The following PTK2 variants were observed in gnomAD, a reference collection of about 807,000 sequenced individuals.
PTK2 encodes focal adhesion kinase 1.
Under a neutral mutation model 150.1 loss-of-function variants are expected in PTK2, and 45 were observed. That is an observed-to-expected ratio of 0.30 (90% CI 0.24 to 0.38). PTK2 has a LOEUF of 0.38. PTK2 is among the 10% of genes least tolerant of loss of function. The pLI is 1.00. For missense variants in PTK2, 919 were observed against 1,307.3 expected (o/e 0.70, Z 4.58); for synonymous variants, 432 against 449.2 (o/e 0.96, Z 0.48).
intron 2 of PTK2, among the ~76,000 whole-genome samples, chr8:140,914,127 AAAG>A: frequency 6.6e-6 from 1 of 152,320 alleles, no homozygotes; most frequent in East Asian, 1.9e-4. Context: ...TTTTCTAGGT[AAAG>A]AAGTTAATAT....
chr8:140,804,450 T>C (rs2100097148), intron 10 of PTK2, among the ~76,000 whole-genome samples: 1 of 151,332 alleles, frequency 6.6e-6, no homozygotes, highest in Non-Finnish European at 1.5e-5. Context: ...TAACCAGGCA[T>C]GGTGGTCTGT....
chr8:140,823,540 T>C (rs902652053), intron 8 of PTK2, among the ~76,000 whole-genome samples: 2 of 152,118 alleles, frequency 1.3e-5, no homozygotes, highest in Non-Finnish European at 2.9e-5. Flanking sequence ...CTCACAGACA[T>C]CTAAAACCTG....
Position 140,789,824 on chromosome 8 carries a change from A to C in PTK2, c.1125-298T>G, listed in dbSNP as rs1026522673. ...TGAATGGGTTAAATAAAAATATAAA[A>C]ATATAAATTTAAATGCTACACACTA... On this transcript the variant is annotated intron_variant, in intron 13 of 31. Transcript: ENST00000522684. Among the ~76,000 whole-genome samples the C allele has an allele frequency of 2.6e-5, 4 of 151,816 alleles. No individual in the cohort carries two copies. In the East Asian group the frequency reaches 7.7e-4, roughly 29 times the overall value.
At chr8:140,964,178 T>A (rs1373094010) in intron 1 of PTK2, among the ~76,000 whole-genome samples, 1 of 152,132 alleles carries the variant, frequency 6.6e-6, no homozygotes, top group Non-Finnish European at 1.5e-5. Flanking sequence ...CACCACCCTA[T>A]GCATGAATGT....
intron 8 of PTK2, among the ~76,000 whole-genome samples, chr8:140,827,791 A>G (rs1450959352): frequency 6.6e-6 from 1 of 152,180 alleles, no homozygotes; most frequent in Non-Finnish European, 1.5e-5. Context: ...GGAGACAGCA[A>G]CAGATATTGT....
intron 1 of PTK2, among the ~76,000 whole-genome samples, chr8:140,985,965 CTA>C (rs770252659): frequency 3.3e-5 from 5 of 152,176 alleles, no homozygotes; most frequent in Non-Finnish European, 7.3e-5. Flanking sequence ...ATCTGTCTAG[CTA>C]TATAGATTCC....
chr8:140,679,005 T>G (rs1276342295), intron 27 of PTK2, among the ~76,000 whole-genome samples: 3 of 4,842 alleles, frequency 6.2e-4, no homozygotes, highest in South Asian at 0.012. Flanking sequence ...CTCCCCATGT[T>G]TTTTTTTTTT....
At chr8:140,922,429 C>T (rs1403323853) in intron 2 of PTK2, among the ~76,000 whole-genome samples, 1 of 151,794 alleles carries the variant, frequency 6.6e-6, no homozygotes. Context: ...GAAAAAATAT[C>T]CCCAGCCTCC....
At chr8:140,742,770 C>T (rs1357249998) in intron 20 of PTK2, among the ~76,000 whole-genome samples, 2 of 152,268 alleles carry the variant, frequency 1.3e-5, no homozygotes, top group East Asian at 1.9e-4. Flanking sequence ...TTGTCAGATA[C>T]GTGTGGCTGG....
intron 6 of PTK2, 97 bp downstream of exon 6, chr8:140,846,502 G>T: frequency 2.5e-6 from 3 of 1,183,968 alleles, no homozygotes; most frequent in Non-Finnish European, 3.7e-6. Context: ...GTATTTCACT[G>T]ATAATCCTTA....
At chr8:140,682,978 C>G (rs1218249301) in intron 27 of PTK2, among the ~76,000 whole-genome samples, 1 of 152,048 alleles carries the variant, frequency 6.6e-6, no homozygotes, top group Non-Finnish European at 1.5e-5. Flanking sequence ...CCAAAGCTAA[C>G]AGAAAACAAG....
At chr8:140,794,677 T>C (rs2100090581) in intron 12 of PTK2, among the ~76,000 whole-genome samples, 2 of 152,220 alleles carry the variant, frequency 1.3e-5, no homozygotes, top group Non-Finnish European at 2.9e-5. Flanking sequence ...TGCCCTCTCA[T>C]GGCACCTCTT....
intron 14 of PTK2, among the ~76,000 whole-genome samples, chr8:140,775,589 T>G (rs560550612): frequency 6.6e-6 from 1 of 152,260 alleles, no homozygotes; most frequent in Admixed American, 6.5e-5. Context: ...GAAATCTGCC[T>G]GCCTCGGCCT....
In PTK2 at chr8:140,674,135, T is replaced by A. The variant is rs1405602116; in HGVS notation, c.2709+163A>T. 3.8e-6 allele frequency: 3 copies of A among 786,166 alleles called. No individual in the cohort carries two copies. In the Admixed American group the frequency reaches 5.1e-5, roughly 13 times the overall value. The allele number at this position is 786,166 out of a possible 1,614,324, so 48.7% of individuals were successfully genotyped here. A position where few individuals can be genotyped will look rare whatever the true frequency, so the allele number is the denominator to read the frequency against. On this transcript the variant is annotated intron_variant, in intron 29 of 31. Coordinates refer to ENST00000522684, the Ensembl canonical transcript of PTK2. ...AGCTTTTCCCTGACTCTCAGAGGGGTTCAGAACCAGACCAATTGACTCCTG... is the reference window on the plus strand; with the variant it reads ...AGCTTTTCCCTGACTCTCAGAGGGGATCAGAACCAGACCAATTGACTCCTG...
rs10667084 is a variant in PTK2 at position 140,932,862 on chromosome 8, C to CTTTTT, written c.-121-7118_-121-7114dup. 3.2e-4 allele frequency among the ~76,000 whole-genome samples: 48 copies of CTTTTT among 150,100 alleles called. 1 individual carries two copies. Among genetic ancestry groups the CTTTTT allele is most frequent in the African/African-American group, 5.4e-4 (22 of 40,904 alleles). ...TAGCTTACTAAGAGTCTTCCTTCCC[C>CTTTTT]TTTTTTTGAGATGAAGTCTTGCTCT... On this transcript the variant is annotated intron_variant, in intron 1 of 31. Coordinates refer to ENST00000522684, the Ensembl canonical transcript of PTK2.
intron 22 of PTK2, among the ~76,000 whole-genome samples, chr8:140,725,633 C>A (rs1368769333): frequency 6.6e-6 from 1 of 152,152 alleles, no homozygotes; most frequent in Admixed American, 6.5e-5. Flanking sequence ...TGAAGACAGG[C>A]AGAGAAGGAG....
chr8:140,859,605 C>T (rs1038589693), intron 5 of PTK2, among the ~76,000 whole-genome samples: 1 of 152,046 alleles, frequency 6.6e-6, no homozygotes, highest in African/African-American at 2.4e-5. Flanking sequence ...AATTCTGAGG[C>T]CATTATAAAG....
intron 26 of PTK2, among the ~76,000 whole-genome samples, chr8:140,692,598 C>T (rs2100023835): frequency 6.7e-6 from 1 of 149,672 alleles, no homozygotes; most frequent in South Asian, 2.1e-4. Context: ...GCCTGGGGGA[C>T]AAGAGTAAGA....
intron 5 of PTK2, among the ~76,000 whole-genome samples, chr8:140,855,468 G>A (rs1287316167): frequency 5.9e-5 from 9 of 151,976 alleles, no homozygotes; most frequent in African/African-American, 1.9e-4. Flanking sequence ...GGTGGCGGGC[G>A]ACTGTAGTCC....
Sources: gnomAD v4.1 joint callset for allele counts (sites outside exome capture counted in the v4.1 genomes callset) on GRCh38, gnomAD v4.1.1 for gene constraint, MANE v1.5 for transcripts, NCBI Gene and HGNC (gene_info 2026-07-23, HGNC 2026-07-21) for gene names.